ATAD2B: variants seen among roughly 807,000 people sequenced by gnomAD.
The protein encoded by ATAD2B is ATPase family AAA domain containing 2B, also known as ATPase family AAA domain-containing protein 2B.
ATAD2B carries 40 observed loss-of-function variants against 167.6 expected under a neutral mutation model. The observed-to-expected ratio is 0.24, with a 90% CI of 0.19 to 0.31. ATAD2B has a LOEUF of 0.31. Ranked by LOEUF, ATAD2B falls within the 10% of genes least tolerant of loss-of-function variation. The pLI, the probability that ATAD2B is intolerant of heterozygous loss-of-function variation, is 1.00. For synonymous variants in ATAD2B, 579 were observed against 596.5 expected, an observed-to-expected ratio of 0.97 and a Z score of 0.43; for missense variants, 1,242 against 1,757.2, an observed-to-expected ratio of 0.71 and a Z score of 5.24.
At chr2:23,703,168 T>C in the ATAD2B span, 1 of 1,402,948 alleles carries the variant, frequency 7.1e-7, no homozygotes, top group South Asian at 1.7e-5. Context: ...CCTGGGCTCT[T>C]TTTCTCCTCT....
chr2:23,737,102 G>C, the ATAD2B span, among the ~76,000 whole-genome samples: 4 of 152,258 alleles, frequency 2.6e-5, no homozygotes, highest in African/African-American at 9.6e-5. Flanking sequence ...GCCTGCCTCT[G>C]TAGGCTCCAC....
At chr2:23,753,109 A>G (rs187811493) in intron 27 of ATAD2B, among the ~76,000 whole-genome samples, 23 of 152,244 alleles carry the variant, frequency 1.5e-4, no homozygotes, top group African/African-American at 5.3e-4. Flanking sequence ...TTCCCTTTAA[A>G]CAGCTCCAAA....
At chr2:23,687,739 A>G in the ATAD2B span, among the ~76,000 whole-genome samples, 1 of 152,116 alleles carries the variant, frequency 6.6e-6, no homozygotes, top group Non-Finnish European at 1.5e-5. Flanking sequence ...AGTGGGGAAG[A>G]GCAAGGTCGA....
intron 8 of ATAD2B, among the ~76,000 whole-genome samples, chr2:23,874,441 G>A (rs573818958): frequency 5.9e-5 from 9 of 152,188 alleles, no homozygotes; most frequent in Admixed American, 1.3e-4. Flanking sequence ...AAGCTTGGCT[G>A]GGCACAGTAG....
the ATAD2B span, among the ~76,000 whole-genome samples, chr2:23,719,849 C>A: frequency 6.6e-6 from 1 of 152,340 alleles, no homozygotes; most frequent in African/African-American, 2.4e-5. Flanking sequence ...AGGACATCCC[C>A]AGCCCTGGAA....
chr2:23,830,753 T>G (rs1254649045), intron 14 of ATAD2B, among the ~76,000 whole-genome samples: 1 of 152,132 alleles, frequency 6.6e-6, no homozygotes, highest in Non-Finnish European at 1.5e-5. Flanking sequence ...CCTAACAGCA[T>G]ATATATTCTG....
At chr2:23,745,137 A>C (rs1674761316), downstream of ATAD2B, among the ~76,000 whole-genome samples, 1 of 152,020 alleles carries the variant, frequency 6.6e-6, no homozygotes, top group Admixed American at 6.6e-5. Context: ...AAGTACAAAA[A>C]TTAGCCAGGG....
At chr2:23,796,492 T>C (rs1297293995) in intron 19 of ATAD2B, among the ~76,000 whole-genome samples, 1 of 152,184 alleles carries the variant, frequency 6.6e-6, no homozygotes, top group Non-Finnish European at 1.5e-5. Flanking sequence ...TAAAAACTGC[T>C]TATCAAGAAG....
At chr2:23,816,148 C>G (rs753583200) in intron 17 of ATAD2B, among the ~76,000 whole-genome samples, 2 of 152,134 alleles carry the variant, frequency 1.3e-5, no homozygotes, top group African/African-American at 2.4e-5. Flanking sequence ...AAAGACAGTG[C>G]TCAGAATTGA....
intron 8 of ATAD2B, among the ~76,000 whole-genome samples, chr2:23,875,390 C>A (rs957135576): frequency 2.0e-5 from 3 of 151,890 alleles, no homozygotes; most frequent in Non-Finnish European, 2.9e-5. Context: ...ATCCCAGCTA[C>A]TCGGGAGGCT....
chr2:23,864,551 G>C (rs1694877061), intron 11 of ATAD2B, among the ~76,000 whole-genome samples: 1 of 152,032 alleles, frequency 6.6e-6, no homozygotes, highest in African/African-American at 2.4e-5. Context: ...AACCCATCTG[G>C]ACAATCTGGT....
At chr2:23,854,458 A>C (rs1573050785) in intron 13 of ATAD2B, among the ~76,000 whole-genome samples, 1 of 151,894 alleles carries the variant, frequency 6.6e-6, no homozygotes, top group Non-Finnish European at 1.5e-5. Flanking sequence ...TGGGTGGATC[A>C]CCTGAGGTCA....
chr2:23,890,314 A>C (rs1699298346), intron 2 of ATAD2B, among the ~76,000 whole-genome samples: 1 of 151,964 alleles, frequency 6.6e-6, no homozygotes, highest in Admixed American at 6.6e-5. Flanking sequence ...ACAAAAATCT[A>C]GCCCCCCCGC....
At chr2:23,796,903 G>C (rs1682714305) in intron 19 of ATAD2B, among the ~76,000 whole-genome samples, 1 of 152,110 alleles carries the variant, frequency 6.6e-6, no homozygotes, top group Admixed American at 6.5e-5. Context: ...AGACTAGTAA[G>C]TCAATACCCT....
chr2:23,764,104 T>C (rs1572657392), intron 23 of ATAD2B, among the ~76,000 whole-genome samples: 1 of 152,350 alleles, frequency 6.6e-6, no homozygotes, highest in South Asian at 2.1e-4. Flanking sequence ...TCATTTTTCT[T>C]GGGTAGATTC....
chr2:23,705,767 A>G, the ATAD2B span, among the ~76,000 whole-genome samples: 81,817 of 151,988 alleles, frequency 0.54, 22,706 homozygotes, highest in East Asian at 0.79. Flanking sequence ...GCTGAAATGA[A>G]AGAGTGTCAG....
At chr2:23,718,535 G>C in the ATAD2B span, among the ~76,000 whole-genome samples, 2 of 151,936 alleles carry the variant, frequency 1.3e-5, no homozygotes, top group South Asian at 2.1e-4. Flanking sequence ...GAGGGAAAAG[G>C]CTGTGAGATC....
intron 13 of ATAD2B, among the ~76,000 whole-genome samples, chr2:23,851,921 G>GAA (rs35208908): frequency 2.0e-4 from 28 of 142,214 alleles, no homozygotes; most frequent in Admixed American, 3.4e-4. Flanking sequence ...GAGTAATCAA[G>GAA]AAAAAAAAAA....
intron 1 of ATAD2B, among the ~76,000 whole-genome samples, chr2:23,911,703 A>C (rs1280741994): frequency 6.6e-6 from 1 of 152,148 alleles, no homozygotes; most frequent in Non-Finnish European, 1.5e-5. Context: ...TAAAACCAGC[A>C]GTGACTCATG....
Sources: allele counts gnomAD v4.1 joint callset (sites outside exome capture counted in the v4.1 genomes callset), GRCh38; gene constraint gnomAD v4.1.1; transcripts MANE v1.5; gene names NCBI Gene and HGNC (gene_info 2026-07-23, HGNC 2026-07-21).